PTPRM: variants seen among roughly 807,000 people sequenced by gnomAD.
PTPRM encodes the protein protein tyrosine phosphatase receptor type M.
PTPRM carries 47 observed loss-of-function variants against 186.7 expected under a neutral mutation model. The ratio of observed to expected loss-of-function variants is 0.25; its 90% confidence interval spans 0.20 to 0.32. The LOEUF is 0.32. Among genes scored for constraint, PTPRM ranks in the 10% least tolerant of loss-of-function variants. PTPRM has a pLI of 1.00. For synonymous variants in PTPRM, 668 were observed against 674.9 expected (o/e 0.99, Z 0.16); for missense variants, 1,494 against 1,865.0 (o/e 0.80, Z 3.66).
intron 9 of PTPRM, among the ~76,000 whole-genome samples, chr18:8,076,976 T>C (rs1047867381): frequency 6.6e-6 from 1 of 152,204 alleles, no homozygotes; most frequent in African/African-American, 2.4e-5. Flanking sequence ...TCAATAAATA[T>C]TGTCTCAGGA....
intron 5 of PTPRM, among the ~76,000 whole-genome samples, chr18:7,944,031 CT>C: frequency 6.6e-6 from 1 of 152,282 alleles, no homozygotes; most frequent in South Asian, 2.1e-4. Flanking sequence ...CATTCTTTTA[CT>C]TTCCCTGTTC....
intron 1 of PTPRM, among the ~76,000 whole-genome samples, chr18:7,581,719 G>A (rs1005417775): frequency 1.3e-5 from 2 of 149,758 alleles, no homozygotes; most frequent in African/African-American, 4.9e-5. Context: ...GCAGTGGTAC[G>A]ATTATAGTTC....
At chr18:8,013,625 C>A (rs1424568353) in intron 7 of PTPRM, among the ~76,000 whole-genome samples, 1 of 152,204 alleles carries the variant, frequency 6.6e-6, no homozygotes, top group East Asian at 1.9e-4. Flanking sequence ...TAGAAGTGGA[C>A]TCGTACAGTT....
At chr18:8,309,726 A>G (rs2095253593) in intron 20 of PTPRM, among the ~76,000 whole-genome samples, 1 of 152,120 alleles carries the variant, frequency 6.6e-6, no homozygotes, top group African/African-American at 2.4e-5. Context: ...AATAATAATA[A>G]AAATGTCATG....
At chr18:7,701,897 C>G (rs1446170258) in intron 1 of PTPRM, among the ~76,000 whole-genome samples, 4 of 152,070 alleles carry the variant, frequency 2.6e-5, no homozygotes, top group Admixed American at 6.6e-5. Context: ...GTCCCCCTCC[C>G]TGTGTCCATG....
chr18:8,056,750 G>GC (rs1002142216), intron 7 of PTPRM, among the ~76,000 whole-genome samples: 11 of 83,878 alleles, frequency 1.3e-4, no homozygotes, highest in African/African-American at 5.6e-4. Flanking sequence ...GCCTTTTTTA[G>GC]CAAAAAAAAA....
chr18:7,974,817 G>A (rs1443577492), intron 7 of PTPRM, among the ~76,000 whole-genome samples: 3 of 152,300 alleles, frequency 2.0e-5, no homozygotes, highest in Middle Eastern at 3.4e-3. Flanking sequence ...ATTAAGGACC[G>A]ATAATAACTA....
Position 8,253,212 on chromosome 18 carries a change from G to T in PTPRM, c.2567-15G>T, listed in dbSNP as rs775081788. 2 of 1,397,950 alleles carry T rather than the reference G, an allele frequency of 1.4e-6. No homozygotes were observed. Among genetic ancestry groups the T allele is most frequent in the South Asian group, 3.5e-5 (2 of 57,254 alleles). The allele number at this position is 1,397,950 out of a possible 1,614,324, so 86.6% of individuals were successfully genotyped here. On this transcript the variant is annotated splice_polypyrimidine_tract_variant and intron_variant, in intron 18 of 32. Coordinates refer to ENST00000580170, the MANE Select transcript of PTPRM (RefSeq NM_001105244.2). ...CTGGCTCTCCCTCATTTTCTCCCTGGCCTTCTTTTCCTAGATGAAACCCAC... is the reference window on the plus strand; with the variant it reads ...CTGGCTCTCCCTCATTTTCTCCCTGTCCTTCTTTTCCTAGATGAAACCCAC...
At chr18:7,795,830 A>G (rs181760045) in intron 2 of PTPRM, among the ~76,000 whole-genome samples, 14 of 59,846 alleles carry the variant, frequency 2.3e-4, no homozygotes, top group African/African-American at 1.2e-3. Flanking sequence ...TTTTTTTTTT[A>G]GAGAGACAGG....
Position 8,260,120 on chromosome 18 carries a change from A to G in PTPRM, c.2754+6706A>G, listed in dbSNP as rs966039597. ...CTGGTGAGGGCCATGTGCTAAGTCA[A>G]AGGGGAAGTGGACACGAGCAGTGAG... On this transcript the variant is annotated intron_variant, in intron 19 of 32. Transcript: ENST00000580170. Among the ~76,000 whole-genome samples, 4 of 152,112 alleles carry G rather than the reference A, an allele frequency of 2.6e-5. No individual in the cohort carries two copies. The East Asian group carries it at 7.7e-4, about 29-fold the overall frequency.
intron 22 of PTPRM, among the ~76,000 whole-genome samples, chr18:8,328,631 G>A (rs2148139625): frequency 6.6e-6 from 1 of 152,316 alleles, no homozygotes; most frequent in African/African-American, 2.4e-5. Context: ...AATTTAAATA[G>A]GGATGCTTTG....
intron 10 of PTPRM, 89 bp from the exon 11 acceptor site, chr18:8,088,660 C>A: frequency 9.2e-7 from 1 of 1,081,174 alleles, no homozygotes; most frequent in Non-Finnish European, 1.4e-6. Context: ...GCACTGTGTT[C>A]TTAATGCTCT....
chr18:7,787,589 A>G (rs566520009), intron 2 of PTPRM, among the ~76,000 whole-genome samples: 1 of 152,314 alleles, frequency 6.6e-6, no homozygotes, highest in South Asian at 2.1e-4. Context: ...TTTAGCCCAG[A>G]TGCCTGAGTG....
chr18:8,135,246 T>A (rs1293386654), intron 13 of PTPRM, among the ~76,000 whole-genome samples: 1 of 152,294 alleles, frequency 6.6e-6, no homozygotes, highest in African/African-American at 2.4e-5. Context: ...TAAAAGGATC[T>A]TTTCAAATAG....
chr18:7,702,934 G>A (rs750035633), intron 1 of PTPRM, among the ~76,000 whole-genome samples: 24 of 152,034 alleles, frequency 1.6e-4, no homozygotes, highest in African/African-American at 5.8e-4. Flanking sequence ...ATTAAATAGG[G>A]AATCCTTTCC....
chr18:7,802,698 T>A (rs2044034777), intron 2 of PTPRM, among the ~76,000 whole-genome samples: 1 of 152,250 alleles, frequency 6.6e-6, no homozygotes, highest in African/African-American at 2.4e-5. Context: ...CCTAGTAAAT[T>A]GATTTTTTTC....
At chr18:7,660,511 A>C (rs955444103) in intron 1 of PTPRM, among the ~76,000 whole-genome samples, 1 of 152,070 alleles carries the variant, frequency 6.6e-6, no homozygotes, top group Admixed American at 6.5e-5. Flanking sequence ...TGTTCCTGCT[A>C]CCCCTATGGA....
intron 1 of PTPRM, among the ~76,000 whole-genome samples, chr18:7,677,826 T>A (rs2039382210): frequency 6.6e-6 from 1 of 152,116 alleles, no homozygotes; most frequent in South Asian, 2.1e-4. Context: ...CAGTACCCAC[T>A]CCCTTGTCCT....
At chr18:8,353,370 A>G (rs2095546313) in intron 23 of PTPRM, among the ~76,000 whole-genome samples, 1 of 152,170 alleles carries the variant, frequency 6.6e-6, no homozygotes, top group African/African-American at 2.4e-5. Context: ...TTGAAAAGCA[A>G]TCTTGGTGAC....
Sources: gnomAD v4.1 joint callset for allele counts (sites outside exome capture counted in the v4.1 genomes callset) on GRCh38, gnomAD v4.1.1 for gene constraint, MANE v1.5 for transcripts, NCBI Gene and HGNC (gene_info 2026-07-23, HGNC 2026-07-21) for gene names.